Variants in NRXN3 observed in about 807,000 individuals in gnomAD.
The protein encoded by NRXN3 is neurexin 3, also known as neurexin III.
NRXN3 carries 32 observed loss-of-function variants against 137.6 expected under a neutral mutation model. The observed-to-expected ratio is 0.23, with a 90% CI of 0.18 to 0.31. The LOEUF is 0.31. Among genes scored for constraint, NRXN3 ranks in the 10% least tolerant of loss-of-function variants. The probability of loss-of-function intolerance (pLI) is 1.00; values close to 1 mark genes in which losing one functional copy is unlikely to be tolerated. For synonymous variants in NRXN3, 798 were observed against 784.5 expected (o/e 1.02, Z -0.29); for missense variants, 1,574 against 2,062.5 (o/e 0.76, Z 4.59).
intron 16 of NRXN3, among the ~76,000 whole-genome samples, chr14:79,517,094 C>T (rs554967020): frequency 1.1e-4 from 14 of 130,980 alleles, no homozygotes; most frequent in East Asian, 6.6e-4. Flanking sequence ...AATGTACAGC[C>T]CCCCCCCCCT....
At chr14:79,228,735 AGAG>A (rs1457611445) in intron 15 of NRXN3, among the ~76,000 whole-genome samples, 2 of 152,194 alleles carry the variant, frequency 1.3e-5, no homozygotes, top group Admixed American at 1.3e-4. Flanking sequence ...GTCTCCAAAG[AGAG>A]GAGATTTACA....
intron 10 of NRXN3, among the ~76,000 whole-genome samples, chr14:78,850,111 AG>A (rs2099038621): frequency 6.6e-6 from 1 of 152,108 alleles, no homozygotes; most frequent in African/African-American, 2.4e-5. Context: ...GCTGAGATAG[AG>A]GCAGTAGGCT....
intron 10 of NRXN3, among the ~76,000 whole-genome samples, chr14:78,891,885 T>G (rs1465365674): frequency 6.6e-6 from 1 of 152,008 alleles, no homozygotes; most frequent in East Asian, 1.9e-4. Flanking sequence ...CACATTTAAT[T>G]TGATAAATAT....
chr14:78,997,828 G>A (rs1179879261), intron 15 of NRXN3, among the ~76,000 whole-genome samples: 1 of 152,158 alleles, frequency 6.6e-6, no homozygotes, highest in Non-Finnish European at 1.5e-5. Flanking sequence ...GGTCATTGCT[G>A]TTTGAATTTG....
chr14:79,734,845 A>C (rs971421586), intron 19 of NRXN3, among the ~76,000 whole-genome samples: 6 of 152,194 alleles, frequency 3.9e-5, no homozygotes, highest in Admixed American at 3.9e-4. Context: ...AAGGCATCCC[A>C]CTCTTGGCTT....
chr14:79,348,519 G>GCGCC (rs1225970052), intron 15 of NRXN3, among the ~76,000 whole-genome samples: 1 of 151,984 alleles, frequency 6.6e-6, no homozygotes, highest in Non-Finnish European at 1.5e-5. Context: ...GGGACTACAG[G>GCGCC]CGCCCGCCAC....
chr14:79,185,997 C>T (rs2063501039), intron 15 of NRXN3, among the ~76,000 whole-genome samples: 1 of 152,140 alleles, frequency 6.6e-6, no homozygotes, highest in South Asian at 2.1e-4. Context: ...AGGCTGTCCC[C>T]ACCAGTTACT....
intron 19 of NRXN3, among the ~76,000 whole-genome samples, chr14:79,771,310 G>A (rs2139788060): frequency 6.6e-6 from 1 of 152,298 alleles, no homozygotes; most frequent in Non-Finnish European, 1.5e-5. Flanking sequence ...AAGCCGGGCA[G>A]AGACACAACC....
At chr14:78,913,224 T>C (rs2099244311) in intron 10 of NRXN3, among the ~76,000 whole-genome samples, 1 of 151,576 alleles carries the variant, frequency 6.6e-6, no homozygotes, top group Non-Finnish European at 1.5e-5. Flanking sequence ...TCTAAGATTT[T>C]TTTCTTTTTT....
chr14:79,649,191 G>T (rs1332465197), intron 16 of NRXN3, among the ~76,000 whole-genome samples: 1 of 152,090 alleles, frequency 6.6e-6, no homozygotes, highest in African/African-American at 2.4e-5. Context: ...GGTGTCACCA[G>T]TTAGCAACAG....
intron 4 of NRXN3, among the ~76,000 whole-genome samples, chr14:78,380,031 ATG>A (rs2088739078): frequency 6.6e-6 from 1 of 152,326 alleles, no homozygotes; most frequent in South Asian, 2.1e-4. Context: ...ATCTAACAAA[ATG>A]TGCACAACTT....
intron 8 of NRXN3, among the ~76,000 whole-genome samples, chr14:78,757,140 C>A (rs2098672125): frequency 6.6e-6 from 1 of 152,056 alleles, no homozygotes. Flanking sequence ...GAGCACAGTG[C>A]CTCACGCCTT....
At chr14:79,019,865 A>T (rs2099585778) in intron 15 of NRXN3, among the ~76,000 whole-genome samples, 2 of 152,154 alleles carry the variant, frequency 1.3e-5, no homozygotes, top group African/African-American at 4.8e-5. Context: ...AAACCAAGAC[A>T]GGACTGTAAC....
At chr14:78,810,714 TC>T (rs1380187216) in intron 10 of NRXN3, among the ~76,000 whole-genome samples, 1 of 152,274 alleles carries the variant, frequency 6.6e-6, no homozygotes, top group Non-Finnish European at 1.5e-5. Flanking sequence ...AGCATGCACT[TC>T]TCCACTACCA....
chr14:79,830,144 C>G (rs2099318493), intron 20 of NRXN3, among the ~76,000 whole-genome samples: 1 of 152,282 alleles, frequency 6.6e-6, no homozygotes, highest in South Asian at 2.1e-4. Flanking sequence ...CTTGTCCAGA[C>G]AAGTTGCATC....
intron 6 of NRXN3, among the ~76,000 whole-genome samples, chr14:78,690,914 ATG>A (rs1459821972): frequency 6.6e-6 from 1 of 152,178 alleles, no homozygotes; most frequent in Admixed American, 6.5e-5. Context: ...AGAAGTAAAG[ATG>A]TGTTAGTGAG....
chr14:78,777,181 C>A (rs2098747313), intron 8 of NRXN3, among the ~76,000 whole-genome samples: 1 of 152,148 alleles, frequency 6.6e-6, no homozygotes, highest in African/African-American at 2.4e-5. Flanking sequence ...CTCTGCCCAT[C>A]CTTCCATATC....
chr14:79,858,315 A>G (rs1034369341), intron 20 of NRXN3, among the ~76,000 whole-genome samples: 1 of 152,170 alleles, frequency 6.6e-6, no homozygotes, highest in Non-Finnish European at 1.5e-5. Context: ...AACCGAAAAA[A>G]CAAAAAGGCA....
At chr14:78,182,076 G>T (rs1378750172) in intron 1 of NRXN3, among the ~76,000 whole-genome samples, 3 of 140,246 alleles carry the variant, frequency 2.1e-5, no homozygotes, top group African/African-American at 7.7e-5. Context: ...GTATTGGGGG[G>T]CACTGAGAAT....
Sources: gnomAD v4.1 joint callset for allele counts (sites outside exome capture counted in the v4.1 genomes callset) on GRCh38, gnomAD v4.1.1 for gene constraint, MANE v1.5 for transcripts, NCBI Gene and HGNC (gene_info 2026-07-23, HGNC 2026-07-21) for gene names.